Variants in CNTN4 observed in about 807,000 individuals in gnomAD.
CNTN4 encodes contactin-4.
CNTN4 carries 77 observed loss-of-function variants against 122.5 expected under a neutral mutation model. That is an observed-to-expected ratio of 0.63 (90% CI 0.52 to 0.76). The LOEUF (loss-of-function observed/expected upper bound fraction) is 0.76. CNTN4 is among the 30% of genes least tolerant of loss of function. The pLI, the probability that CNTN4 is intolerant of heterozygous loss-of-function variation, is 0.00. For missense variants in CNTN4, 1,256 were observed against 1,259.1 expected (o/e 1.00, Z 0.04); for synonymous variants, 512 against 447.0 (o/e 1.15, Z -1.83).
chr3:2,106,775 C>T (rs573840422), intron 2 of CNTN4, among the ~76,000 whole-genome samples: 3 of 152,340 alleles, frequency 2.0e-5, no homozygotes, highest in South Asian at 2.1e-4. Flanking sequence ...AATTTCTCCC[C>T]AGAAAATGGG....
At chr3:2,723,653 C>T (rs1355803788) in intron 4 of CNTN4, among the ~76,000 whole-genome samples, 3 of 152,142 alleles carry the variant, frequency 2.0e-5, no homozygotes, top group African/African-American at 2.4e-5. Context: ...TCCTCATGAC[C>T]TTATCACTCT....
intron 2 of CNTN4, among the ~76,000 whole-genome samples, chr3:2,291,559 C>T (rs1330912008): frequency 6.6e-6 from 1 of 151,642 alleles, no homozygotes; most frequent in Non-Finnish European, 1.5e-5. Context: ...GCTTTTTTCC[C>T]TACTGTTTAT....
intron 2 of CNTN4, among the ~76,000 whole-genome samples, chr3:2,219,823 A>G (rs955042285): frequency 2.0e-5 from 3 of 151,964 alleles, no homozygotes; most frequent in Non-Finnish European, 4.4e-5. Context: ...AAAAGATGGC[A>G]TTTTTTTCAG....
chr3:2,413,218 T>A (rs558069813), intron 3 of CNTN4, among the ~76,000 whole-genome samples: 1 of 152,350 alleles, frequency 6.6e-6, no homozygotes, highest in African/African-American at 2.4e-5. Context: ...CCAAAGTGAA[T>A]GATAACAACC....
intron 5 of CNTN4, among the ~76,000 whole-genome samples, chr3:2,741,185 G>C (rs1309904954): frequency 2.0e-5 from 3 of 152,182 alleles, no homozygotes; most frequent in African/African-American, 7.2e-5. Flanking sequence ...ATGCTTACTA[G>C]TACTGTTAAT....
intron 3 of CNTN4, among the ~76,000 whole-genome samples, chr3:2,396,192 T>C (rs2150928465): frequency 6.6e-6 from 1 of 152,202 alleles, no homozygotes; most frequent in South Asian, 2.1e-4. Context: ...GCCCTGCTAA[T>C]TTTTTGTATT....
chr3:2,799,406 A>G (rs534510908), intron 6 of CNTN4, among the ~76,000 whole-genome samples: 402 of 152,266 alleles, frequency 2.6e-3, no homozygotes, highest in Non-Finnish European at 4.2e-3. Context: ...GATTGTTTGC[A>G]TAGGCCAATG....
At chr3:2,288,585 G>C (rs2042024211) in intron 2 of CNTN4, among the ~76,000 whole-genome samples, 1 of 152,054 alleles carries the variant, frequency 6.6e-6, no homozygotes, top group African/African-American at 2.4e-5. Context: ...AGAGGAAGTT[G>C]CTATAAAAAC....
intron 4 of CNTN4, among the ~76,000 whole-genome samples, chr3:2,580,778 T>C (rs2149562283): frequency 6.6e-6 from 1 of 152,324 alleles, no homozygotes; most frequent in East Asian, 1.9e-4. Flanking sequence ...ATATGCCAGA[T>C]ACAGCACCTC....
chr3:2,801,048 A>G (rs2092335084), intron 6 of CNTN4, among the ~76,000 whole-genome samples: 1 of 151,990 alleles, frequency 6.6e-6, no homozygotes, highest in Admixed American at 6.6e-5. Flanking sequence ...CTAACACACT[A>G]TGTCATTTAA....
intron 2 of CNTN4, among the ~76,000 whole-genome samples, chr3:2,170,670 A>G (rs1259190908): frequency 1.3e-5 from 2 of 152,208 alleles, no homozygotes; most frequent in Non-Finnish European, 2.9e-5. Flanking sequence ...AAAAGTGGGT[A>G]GAGAAATGTA....
At chr3:2,369,868 T>C (rs2045566182) in intron 3 of CNTN4, among the ~76,000 whole-genome samples, 1 of 152,132 alleles carries the variant, frequency 6.6e-6, no homozygotes, top group Non-Finnish European at 1.5e-5. Flanking sequence ...GTGCTTTAAT[T>C]ATTTCTCCTA....
At chr3:2,272,185 A>G (rs1158956894) in intron 2 of CNTN4, among the ~76,000 whole-genome samples, 3 of 152,118 alleles carry the variant, frequency 2.0e-5, no homozygotes, top group South Asian at 2.1e-4. Flanking sequence ...TCTGATTATA[A>G]CAGTAATACA....
intron 3 of CNTN4, among the ~76,000 whole-genome samples, chr3:2,364,378 A>T (rs1489727389): frequency 6.6e-6 from 1 of 152,098 alleles, no homozygotes; most frequent in Non-Finnish European, 1.5e-5. Context: ...TGCTGTTTTT[A>T]TTCTATTTTG....
chr3:2,542,948 T>A (rs1167819621), intron 3 of CNTN4, among the ~76,000 whole-genome samples: 2 of 152,136 alleles, frequency 1.3e-5, no homozygotes, highest in Non-Finnish European at 2.9e-5. Flanking sequence ...CCCATTATGT[T>A]ACCACTATAT....
intron 2 of CNTN4, among the ~76,000 whole-genome samples, chr3:2,252,973 A>T (rs766000649): frequency 6.6e-6 from 1 of 152,108 alleles, no homozygotes; most frequent in Non-Finnish European, 1.5e-5. Context: ...ATATTCACAA[A>T]AGAATACCAG....
At chr3:3,044,145 A>C (rs1700408056) in intron 23 of CNTN4, among the ~76,000 whole-genome samples, 1 of 152,246 alleles carries the variant, frequency 6.6e-6, no homozygotes, top group South Asian at 2.1e-4. Context: ...AAAAGAGAGA[A>C]AAAGCAGGAA....
chr3:2,560,330 T>C (rs898611686), intron 3 of CNTN4, among the ~76,000 whole-genome samples: 8 of 151,908 alleles, frequency 5.3e-5, no homozygotes, highest in Admixed American at 4.6e-4. Flanking sequence ...TTAGTAGATA[T>C]GGGGTTTCAC....
At chr3:2,669,559 T>A (rs2084379326) in intron 4 of CNTN4, among the ~76,000 whole-genome samples, 1 of 149,272 alleles carries the variant, frequency 6.7e-6, no homozygotes, top group Non-Finnish European at 1.5e-5. Flanking sequence ...GATTCATTGA[T>A]TTTTTTGAAC....
Sources: allele counts gnomAD v4.1 joint callset (sites outside exome capture counted in the v4.1 genomes callset), GRCh38; gene constraint gnomAD v4.1.1; transcripts MANE v1.5; gene names NCBI Gene and HGNC (gene_info 2026-07-23, HGNC 2026-07-21).